Variants in KCNMA1 observed in about 807,000 individuals in gnomAD.
The protein encoded by KCNMA1 is Calcium-activated potassium channel subunit alpha-1.
Under a neutral mutation model 140.0 loss-of-function variants are expected in KCNMA1, and 29 were observed. The observed-to-expected ratio is 0.21, with a 90% CI of 0.15 to 0.28. KCNMA1 has a LOEUF of 0.28. Ranked by LOEUF, KCNMA1 falls within the 10% of genes least tolerant of loss-of-function variation. KCNMA1 has a pLI of 1.00. For missense variants in KCNMA1, 880 were observed against 1,602.2 expected (o/e 0.55, Z 7.70); for synonymous variants, 612 against 611.9 (o/e 1.00, Z 0.00).
chr10:77,385,965 C>T (rs1258406665), intron 2 of KCNMA1, among the ~76,000 whole-genome samples: 1 of 152,108 alleles, frequency 6.6e-6, no homozygotes, highest in African/African-American at 2.4e-5. Flanking sequence ...TAAGCCAGGA[C>T]AATGGAAAAA....
intron 1 of KCNMA1, among the ~76,000 whole-genome samples, chr10:77,587,315 C>T (rs1368897089): frequency 6.6e-6 from 1 of 152,104 alleles, no homozygotes; most frequent in East Asian, 1.9e-4. Flanking sequence ...TGAATATAGG[C>T]TTATGTAAAC....
At chr10:76,936,166 A>G (rs2060498555) in intron 23 of KCNMA1, among the ~76,000 whole-genome samples, 1 of 152,236 alleles carries the variant, frequency 6.6e-6, no homozygotes. Context: ...GATTCTTGTG[A>G]TGAGATTCAT....
chr10:77,497,396 T>C (rs2042340506), intron 1 of KCNMA1, among the ~76,000 whole-genome samples: 1 of 152,200 alleles, frequency 6.6e-6, no homozygotes, highest in Non-Finnish European at 1.5e-5. Context: ...TTGAAAGTGA[T>C]GCACTGGAAG....
intron 5 of KCNMA1, among the ~76,000 whole-genome samples, chr10:77,172,114 G>A (rs1013527816): frequency 6.6e-6 from 1 of 152,130 alleles, no homozygotes; most frequent in Non-Finnish European, 1.5e-5. Context: ...CTGCTAGCCA[G>A]GTCAATCCAT....
intron 16 of KCNMA1, among the ~76,000 whole-genome samples, chr10:77,023,211 TG>T (rs966956614): frequency 1.3e-5 from 2 of 152,196 alleles, no homozygotes; most frequent in Admixed American, 6.5e-5. Flanking sequence ...TGTGCATAAC[TG>T]GGGGACATCT....
intron 5 of KCNMA1, among the ~76,000 whole-genome samples, chr10:77,172,356 G>C (rs908052581): frequency 2.0e-5 from 3 of 152,114 alleles, no homozygotes; most frequent in Non-Finnish European, 4.4e-5. Flanking sequence ...GCATATAACA[G>C]AGCCATGCAA....
chr10:77,379,733 T>C (rs1399192581), intron 2 of KCNMA1, among the ~76,000 whole-genome samples: 2 of 152,166 alleles, frequency 1.3e-5, no homozygotes, highest in Admixed American at 6.5e-5. Flanking sequence ...TTAGTAATTG[T>C]TTCCTTAATG....
intron 2 of KCNMA1, among the ~76,000 whole-genome samples, chr10:77,339,680 T>C (rs564293871): frequency 6.6e-6 from 1 of 152,354 alleles, no homozygotes; most frequent in South Asian, 2.1e-4. Flanking sequence ...TGGCTGACAC[T>C]GCAGTTTGGC....
chr10:76,901,796 C>T (rs550853498), intron 25 of KCNMA1: 1 of 152,366 alleles, frequency 6.6e-6, no homozygotes, highest in Non-Finnish European at 1.5e-5. Flanking sequence ...CTTGATTTTT[C>T]CATGCAGGCA....
Position 77,573,642 on chromosome 10 carries a change from G to A in KCNMA1, c.378+63623C>T, listed in dbSNP as rs2719983. Among the ~76,000 whole-genome samples, 261 of 65,214 alleles carry A rather than the reference G, an allele frequency of 4.0e-3. 38 individuals carry two copies. The highest frequency in any genetic ancestry group is 5.2e-3 in the Non-Finnish European group (144 of 27,772). The allele number at this position is 65,214 out of a possible 152,430, so 42.8% of individuals were successfully genotyped here. On this transcript the variant is annotated intron_variant, in intron 1 of 27. Coordinates refer to ENST00000286628, the MANE Select transcript of KCNMA1 (RefSeq NM_001161352.2). ...GGAATGGAATGGAATGGAATGGAAT[G>A]GAATAGAATAGAATAGAATAGAATA...
At chr10:77,553,580 G>C (rs2063382427) in intron 1 of KCNMA1, among the ~76,000 whole-genome samples, 1 of 152,196 alleles carries the variant, frequency 6.6e-6, no homozygotes, top group South Asian at 2.1e-4. Context: ...CAGGGCCTGG[G>C]CACCTCTAGT....
At chr10:77,481,473 T>G (rs567073881) in intron 1 of KCNMA1, among the ~76,000 whole-genome samples, 1 of 152,124 alleles carries the variant, frequency 6.6e-6, no homozygotes, top group South Asian at 2.1e-4. Context: ...TAACAATTGT[T>G]TAGAAACTAA....
rs867550225 is a variant in KCNMA1, at chr10:77,388,175, C to T, written c.540+15687G>A. Reference sequence around the variant, plus strand: ...AAGTCCTACCTTGGTTTTCTTTTCTCTTTGGCCTTCTTTCCAAGTCTTAGC... The same window carrying T: ...AAGTCCTACCTTGGTTTTCTTTTCTTTTTGGCCTTCTTTCCAAGTCTTAGC... On this transcript the variant is annotated intron_variant, in intron 2 of 27. Coordinates refer to ENST00000286628, the MANE Select transcript of KCNMA1 (RefSeq NM_001161352.2). 2.8e-4 allele frequency among the ~76,000 whole-genome samples: 43 copies of T among 152,312 alleles called. No homozygotes were observed. In the Middle Eastern group the frequency reaches 0.014, roughly 48 times the overall value.
chr10:77,457,425 G>C (rs1011878021), intron 1 of KCNMA1, among the ~76,000 whole-genome samples: 1 of 152,082 alleles, frequency 6.6e-6, no homozygotes, highest in Non-Finnish European at 1.5e-5. Flanking sequence ...CCTCCCCAGA[G>C]TCCTTTCCTC....
chr10:77,232,958 C>T (rs2154210130), intron 3 of KCNMA1, among the ~76,000 whole-genome samples: 1 of 149,838 alleles, frequency 6.7e-6, no homozygotes, highest in African/African-American at 2.5e-5. Context: ...ACAATCACAA[C>T]TCACTGCAGC....
intron 2 of KCNMA1, among the ~76,000 whole-genome samples, chr10:77,333,134 A>G (rs1353048155): frequency 6.6e-6 from 1 of 152,174 alleles, no homozygotes; most frequent in Non-Finnish European, 1.5e-5. Flanking sequence ...GAAGGCAAAT[A>G]GCAATGGTAT....
chr10:77,472,414 A>G (rs2098184460), intron 1 of KCNMA1, among the ~76,000 whole-genome samples: 1 of 151,152 alleles, frequency 6.6e-6, no homozygotes, highest in African/African-American at 2.4e-5. Context: ...ACACATACAC[A>G]TAGCACACCT....
At chr10:76,979,132 G>C (rs1199931500) in intron 19 of KCNMA1, among the ~76,000 whole-genome samples, 1 of 152,126 alleles carries the variant, frequency 6.6e-6, no homozygotes, top group Admixed American at 6.6e-5. Flanking sequence ...CACAGAACTG[G>C]ACAAGGCAAA....
At chr10:77,304,974 C>T (rs538344375) in intron 2 of KCNMA1, among the ~76,000 whole-genome samples, 1 of 152,290 alleles carries the variant, frequency 6.6e-6, no homozygotes, top group South Asian at 2.1e-4. Context: ...CTTCACTATG[C>T]CCACCAGAGA....
Sources: allele counts gnomAD v4.1 joint callset (sites outside exome capture counted in the v4.1 genomes callset), GRCh38; gene constraint gnomAD v4.1.1; transcripts MANE v1.5; gene names NCBI Gene and HGNC (gene_info 2026-07-23, HGNC 2026-07-21).